Variants in LRRTM4 observed in about 807,000 individuals in gnomAD.
LRRTM4 encodes leucine rich repeat transmembrane neuronal 4.
LRRTM4 carries 25 observed loss-of-function variants against 47.6 expected under a neutral mutation model. That is an observed-to-expected ratio of 0.53 (90% CI 0.38 to 0.73). The LOEUF is 0.73. LRRTM4 is among the 30% of genes least tolerant of loss of function. The pLI is 0.00. For synonymous variants in LRRTM4, 311 were observed against 269.5 expected (o/e 1.15, Z -1.51); for missense variants, 638 against 713.4 (o/e 0.89, Z 1.20).
chr2:77,216,992 G>C (rs1305338709), intron 3 of LRRTM4, among the ~76,000 whole-genome samples: 1 of 150,930 alleles, frequency 6.6e-6, no homozygotes, highest in Admixed American at 6.6e-5. Flanking sequence ...AGAATGGCGT[G>C]AACCTGGGAG....
At chr2:77,506,283 T>C (rs547899840) in intron 3 of LRRTM4, among the ~76,000 whole-genome samples, 3 of 151,682 alleles carry the variant, frequency 2.0e-5, no homozygotes, top group African/African-American at 7.2e-5. Context: ...CACTAAAGTA[T>C]GTTTTAAATT....
intron 3 of LRRTM4, among the ~76,000 whole-genome samples, chr2:77,041,319 TTTG>T (rs1679025519): frequency 6.6e-6 from 1 of 151,606 alleles, no homozygotes; most frequent in Non-Finnish European, 1.5e-5. Context: ...AATCCATTCA[TTTG>T]TTGATTGATA....
intron 3 of LRRTM4, among the ~76,000 whole-genome samples, chr2:76,963,838 G>A (rs1023149271): frequency 6.0e-5 from 9 of 150,304 alleles, no homozygotes; most frequent in Admixed American, 1.3e-4. Flanking sequence ...AAACATTTAA[G>A]GAAGTATTTT....
intron 3 of LRRTM4, among the ~76,000 whole-genome samples, chr2:77,090,179 A>T (rs1670560344): frequency 6.6e-6 from 1 of 152,240 alleles, no homozygotes; most frequent in East Asian, 1.9e-4. Flanking sequence ...TTCCGTGACT[A>T]GCCCTCCCCG....
chr2:77,407,610 TATATA>T (rs1274115729), intron 3 of LRRTM4, among the ~76,000 whole-genome samples: 3 of 140,114 alleles, frequency 2.1e-5, no homozygotes, highest in African/African-American at 8.1e-5. Flanking sequence ...CATAATATAA[TATATA>T]ATATAATATA....
chr2:76,785,057 T>G (rs1674601286), intron 3 of LRRTM4, among the ~76,000 whole-genome samples: 1 of 152,106 alleles, frequency 6.6e-6, no homozygotes, highest in Non-Finnish European at 1.5e-5. Context: ...GTATGAACAT[T>G]GAATCTAGTC....
At chr2:77,277,048 G>C (rs1676380227) in intron 3 of LRRTM4, among the ~76,000 whole-genome samples, 1 of 151,632 alleles carries the variant, frequency 6.6e-6, no homozygotes, top group Non-Finnish European at 1.5e-5. Flanking sequence ...AAAAACACTA[G>C]GTAAGGTCAG....
intron 3 of LRRTM4, among the ~76,000 whole-genome samples, chr2:77,005,499 T>C (rs1677609197): frequency 6.6e-6 from 1 of 152,152 alleles, no homozygotes; most frequent in Non-Finnish European, 1.5e-5. Flanking sequence ...GGTGCAATGA[T>C]ACGGTTTGGC....
intron 3 of LRRTM4, among the ~76,000 whole-genome samples, chr2:77,114,245 G>C (rs918640515): frequency 6.6e-5 from 10 of 152,062 alleles, no homozygotes; most frequent in African/African-American, 2.4e-4. Flanking sequence ...CCAGTTCCTG[G>C]AATTTTGCAC....
chr2:77,355,580 AT>A (rs1671938035), intron 3 of LRRTM4, among the ~76,000 whole-genome samples: 1 of 152,234 alleles, frequency 6.6e-6, no homozygotes, highest in Admixed American at 6.5e-5. Flanking sequence ...CATGGATTCC[AT>A]TTGTTTTTCT....
chr2:77,067,929 G>C (rs2103818383), intron 3 of LRRTM4, among the ~76,000 whole-genome samples: 1 of 152,132 alleles, frequency 6.6e-6, no homozygotes, highest in South Asian at 2.1e-4. Flanking sequence ...ATATTTTCAT[G>C]ACATTTCTTA....
chr2:77,178,147 T>C (rs1673249784), intron 3 of LRRTM4, among the ~76,000 whole-genome samples: 1 of 152,184 alleles, frequency 6.6e-6, no homozygotes, highest in Admixed American at 6.5e-5. Context: ...TATTTTCTTA[T>C]TTAATTGTTA....
intron 3 of LRRTM4, among the ~76,000 whole-genome samples, chr2:77,486,457 C>A (rs1484094961): frequency 6.6e-6 from 1 of 152,052 alleles, no homozygotes; most frequent in Non-Finnish European, 1.5e-5. Flanking sequence ...GTAATGTACT[C>A]ATTTTGCACA....
chr2:77,040,150 A>G (rs541600053), intron 3 of LRRTM4, among the ~76,000 whole-genome samples: 2 of 151,418 alleles, frequency 1.3e-5, no homozygotes, highest in South Asian at 2.1e-4. Flanking sequence ...ATGAATCCAT[A>G]TAAAACTATT....
At chr2:76,904,317 T>C (rs911328694) in intron 3 of LRRTM4, among the ~76,000 whole-genome samples, 3 of 152,180 alleles carry the variant, frequency 2.0e-5, no homozygotes, top group Admixed American at 6.5e-5. Context: ...GAACAACCTT[T>C]ACTGACCACA....
chr2:76,812,048 A>G (rs1670749612), intron 3 of LRRTM4, among the ~76,000 whole-genome samples: 1 of 152,208 alleles, frequency 6.6e-6, no homozygotes, highest in South Asian at 2.1e-4. Context: ...TCCTGGAGCA[A>G]TAAAACATTA....
At chr2:76,861,317 A>T (rs1573224244) in intron 3 of LRRTM4, among the ~76,000 whole-genome samples, 1 of 152,220 alleles carries the variant, frequency 6.6e-6, no homozygotes, top group Non-Finnish European at 1.5e-5. Context: ...AGACTGCATT[A>T]TTTTTAGTTT....
intron 3 of LRRTM4, among the ~76,000 whole-genome samples, chr2:76,984,134 A>T (rs1163459320): frequency 6.6e-6 from 1 of 151,766 alleles, no homozygotes. Context: ...ATTGCATTTT[A>T]AAAAAATAGA....
At chr2:76,841,060 T>C (rs1316368416) in intron 3 of LRRTM4, among the ~76,000 whole-genome samples, 2 of 145,202 alleles carry the variant, frequency 1.4e-5, no homozygotes, top group Non-Finnish European at 3.0e-5. Flanking sequence ...ATTAAGAAAA[T>C]GTGGCACATA....
Sources: allele counts gnomAD v4.1 joint callset (sites outside exome capture counted in the v4.1 genomes callset), GRCh38; gene constraint gnomAD v4.1.1; transcripts MANE v1.5; gene names NCBI Gene and HGNC (gene_info 2026-07-23, HGNC 2026-07-21).